PPARGC1A: variants seen among roughly 807,000 people sequenced by gnomAD.
PPARGC1A encodes the protein PPARG coactivator 1 alpha, also known as peroxisome proliferator-activated receptor gamma coactivator 1-alpha.
PPARGC1A carries 25 observed loss-of-function variants against 88.7 expected under a neutral mutation model. The observed-to-expected ratio is 0.28, with a 90% CI of 0.21 to 0.39. The LOEUF is 0.39. Among genes scored for constraint, PPARGC1A ranks in the 10% least tolerant of loss-of-function variants. The pLI, the probability that PPARGC1A is intolerant of heterozygous loss-of-function variation, is 1.00. For synonymous variants in PPARGC1A, 363 were observed against 355.6 expected (o/e 1.02, Z -0.24); for missense variants, 880 against 968.7 (o/e 0.91, Z 1.22).
chr4:24,275,648 T>G, the PPARGC1A span, among the ~76,000 whole-genome samples: 1 of 152,200 alleles, frequency 6.6e-6, no homozygotes. Context: ...ATTTAGTATT[T>G]TACATCAAAT....
At chr4:24,100,483 A>G in the PPARGC1A span, among the ~76,000 whole-genome samples, 2 of 152,154 alleles carry the variant, frequency 1.3e-5, no homozygotes, top group East Asian at 3.9e-4. Flanking sequence ...TAAATCACCC[A>G]ACACCTTCGA....
At chr4:23,892,728 A>G (rs1041392392), upstream of PPARGC1A, among the ~76,000 whole-genome samples, 8 of 152,066 alleles carry the variant, frequency 5.3e-5, no homozygotes, top group Non-Finnish European at 1.2e-4. Flanking sequence ...ATTCCCAAAT[A>G]TCTGGTTTCA....
chr4:23,846,703 G>A (rs1382073411), intron 2 of PPARGC1A, among the ~76,000 whole-genome samples: 1 of 151,988 alleles, frequency 6.6e-6, no homozygotes, highest in East Asian at 1.9e-4. Context: ...GGGATATAGC[G>A]ATGAACAAAA....
the PPARGC1A span, among the ~76,000 whole-genome samples, chr4:24,219,982 T>C: frequency 6.6e-6 from 1 of 152,170 alleles, no homozygotes; most frequent in Non-Finnish European, 1.5e-5. Flanking sequence ...TCAATTCATT[T>C]TGAGGACTAA....
At chr4:24,206,021 T>C in the PPARGC1A span, among the ~76,000 whole-genome samples, 1 of 152,202 alleles carries the variant, frequency 6.6e-6, no homozygotes, top group Non-Finnish European at 1.5e-5. Context: ...AAGGCAACTA[T>C]ATCTCCATTC....
chr4:23,932,511 G>C, the PPARGC1A span, among the ~76,000 whole-genome samples: 2 of 151,926 alleles, frequency 1.3e-5, no homozygotes, highest in Admixed American at 6.6e-5. Flanking sequence ...TATAAATAGA[G>C]AAACATTAGC....
chr4:24,216,985 A>G, the PPARGC1A span, among the ~76,000 whole-genome samples: 3 of 152,238 alleles, frequency 2.0e-5, no homozygotes, highest in African/African-American at 7.2e-5. Context: ...CACCTGACAC[A>G]TAGTAGGTCA....
upstream of PPARGC1A, among the ~76,000 whole-genome samples, chr4:23,892,179 G>T (rs1446965623): frequency 1.3e-5 from 2 of 152,126 alleles, no homozygotes; most frequent in Non-Finnish European, 2.9e-5. Context: ...TGCCCAGATT[G>T]TATTGTTAGG....
At chr4:24,242,135 C>T in the PPARGC1A span, among the ~76,000 whole-genome samples, 3 of 152,212 alleles carry the variant, frequency 2.0e-5, no homozygotes, top group African/African-American at 7.2e-5. Flanking sequence ...CATGACCTTA[C>T]ACTGGATGTT....
the PPARGC1A span, among the ~76,000 whole-genome samples, chr4:24,157,869 C>T: frequency 6.6e-6 from 1 of 152,232 alleles, no homozygotes; most frequent in Non-Finnish European, 1.5e-5. Flanking sequence ...CCTCTCTACT[C>T]TGCAGCCAGA....
chr4:23,807,648 T>C (rs190819919), intron 10 of PPARGC1A, among the ~76,000 whole-genome samples: 1 of 152,326 alleles, frequency 6.6e-6, no homozygotes, highest in East Asian at 1.9e-4. Flanking sequence ...TTTGGACATA[T>C]GCCTATATCC....
chr4:24,233,625 T>C, the PPARGC1A span, among the ~76,000 whole-genome samples: 4 of 145,262 alleles, frequency 2.8e-5, no homozygotes, highest in Admixed American at 6.9e-5. Flanking sequence ...CACACACATA[T>C]ACACACCCAA....
chr4:24,055,640 A>C, the PPARGC1A span, among the ~76,000 whole-genome samples: 2 of 152,252 alleles, frequency 1.3e-5, no homozygotes, highest in Non-Finnish European at 2.9e-5. Context: ...TGGGAAAAGT[A>C]AGCTGTTCAT....
the PPARGC1A span, among the ~76,000 whole-genome samples, chr4:24,290,327 G>A: frequency 6.6e-6 from 1 of 152,152 alleles, no homozygotes; most frequent in Non-Finnish European, 1.5e-5. Context: ...CACCCGAGCA[G>A]TATACACTGC....
At chr4:24,016,389 A>G in the PPARGC1A span, among the ~76,000 whole-genome samples, 1 of 152,184 alleles carries the variant, frequency 6.6e-6, no homozygotes, top group Non-Finnish European at 1.5e-5. Flanking sequence ...TTCATGTATA[A>G]CCAAAGACAA....
chr4:24,089,162 A>C, the PPARGC1A span, among the ~76,000 whole-genome samples: 6 of 152,204 alleles, frequency 3.9e-5, no homozygotes, highest in Admixed American at 6.5e-5. Context: ...ATTCATTCTT[A>C]AACAATCTTT....
intron 2 of PPARGC1A, among the ~76,000 whole-genome samples, chr4:23,860,822 G>A (rs1284803936): frequency 1.3e-5 from 2 of 152,142 alleles, no homozygotes; most frequent in African/African-American, 2.4e-5. Context: ...TTCAAATAGT[G>A]GTGAATGGAG....
At chr4:23,930,297 A>G in the PPARGC1A span, among the ~76,000 whole-genome samples, 1 of 152,214 alleles carries the variant, frequency 6.6e-6, no homozygotes, top group Admixed American at 6.5e-5. Context: ...CATTACATAT[A>G]TACTCAAGGG....
the PPARGC1A span, among the ~76,000 whole-genome samples, chr4:24,334,164 G>T: frequency 6.6e-6 from 1 of 151,896 alleles, no homozygotes; most frequent in East Asian, 1.9e-4. Flanking sequence ...CAGGAAAATT[G>T]GCACTACATT....
Sources: allele counts gnomAD v4.1 joint callset (sites outside exome capture counted in the v4.1 genomes callset), GRCh38; gene constraint gnomAD v4.1.1; transcripts MANE v1.5; gene names NCBI Gene and HGNC (gene_info 2026-07-23, HGNC 2026-07-21).